The following VSTM4 variants were observed in gnomAD, a reference collection of about 807,000 sequenced individuals.
The protein encoded by VSTM4 is V-set and transmembrane domain-containing protein 4.
A neutral mutation model predicts 36.4 loss-of-function variants in VSTM4; 20 were observed. The ratio of observed to expected loss-of-function variants is 0.55; its 90% confidence interval spans 0.39 to 0.80. VSTM4 has a LOEUF of 0.80. Ranked by LOEUF, VSTM4 falls within the 30% of genes least tolerant of loss-of-function variation. The pLI is 0.00. For synonymous variants in VSTM4, 182 were observed against 173.9 expected (o/e 1.05, Z -0.37); for missense variants, 392 against 404.5 (o/e 0.97, Z 0.26).
intron 7 of VSTM4, among the ~76,000 whole-genome samples, chr10:49,031,804 T>C (rs1843349524): frequency 6.6e-6 from 1 of 152,172 alleles, no homozygotes; most frequent in Non-Finnish European, 1.5e-5. Context: ...TGTGCCTGCC[T>C]CTGACCTCGG....
At chr10:49,103,528 T>C in intron 2 of VSTM4, 2 of 1,300,086 alleles carry the variant, frequency 1.5e-6, no homozygotes, top group East Asian at 3.0e-5. Context: ...ACTTTTGCAA[T>C]AGAAAACAAC....
intron 3 of VSTM4, 90 bp from the exon 4 acceptor site, chr10:49,077,416 G>A: frequency 8.4e-7 from 1 of 1,187,232 alleles, no homozygotes; most frequent in East Asian, 2.5e-5. Context: ...TGGAATATTT[G>A]AAATCCCAGT....
chr10:49,046,000 T>C (rs1162414254), intron 7 of VSTM4, among the ~76,000 whole-genome samples: 1 of 152,176 alleles, frequency 6.6e-6, no homozygotes, highest in Non-Finnish European at 1.5e-5. Flanking sequence ...TCATGAAATC[T>C]GATGGTTTTA....
At chr10:49,065,827 G>A (rs530935908) in intron 4 of VSTM4, among the ~76,000 whole-genome samples, 1 of 152,240 alleles carries the variant, frequency 6.6e-6, no homozygotes, top group East Asian at 1.9e-4. Context: ...AGCTTCCAAA[G>A]TAAGATGAGA....
At chr10:49,080,978 A>C (rs1844268432) in intron 3 of VSTM4, among the ~76,000 whole-genome samples, 1 of 152,240 alleles carries the variant, frequency 6.6e-6, no homozygotes, top group Non-Finnish European at 1.5e-5. Flanking sequence ...GTGAGGGGTC[A>C]GAATTAGGAG....
At chr10:49,029,700 C>T (rs1843315873) in intron 7 of VSTM4, among the ~76,000 whole-genome samples, 1 of 152,204 alleles carries the variant, frequency 6.6e-6, no homozygotes, top group African/African-American at 2.4e-5. Flanking sequence ...TAGTGAAAAG[C>T]CCTTGGCATG....
chr10:49,079,037 G>T (rs1051379803), intron 3 of VSTM4, among the ~76,000 whole-genome samples: 8 of 151,922 alleles, frequency 5.3e-5, no homozygotes, highest in Non-Finnish European at 1.2e-4. Context: ...TCACCATGTT[G>T]GCCAGGTTGG....
At chr10:49,035,651 A>G (rs1222399138) in intron 7 of VSTM4, among the ~76,000 whole-genome samples, 1 of 123,602 alleles carries the variant, frequency 8.1e-6, no homozygotes, top group Non-Finnish European at 1.6e-5. Context: ...CTGGGCACAT[A>G]GCGAGATCCC....
rs1843135194 is a variant in VSTM4 at position 49,018,568 on chromosome 10, G to C, written c.*1082C>G. 1.3e-5 allele frequency: 2 copies of C among 152,200 alleles called. No homozygotes were observed. Among genetic ancestry groups the C allele is most frequent in the Non-Finnish European group, 2.9e-5 (2 of 68,038 alleles). 9.4% of individuals were successfully genotyped at this position (152,200 alleles called of 1,614,324 possible). ...ATCAAGAAATGTCCTCAATAACACA[G>C]TTGACAGGATGGTGCTTTCAGAATG... is the stretch of plus-strand genomic sequence containing the variant. On this transcript the variant is annotated 3_prime_UTR_variant, in exon 8 of 8. Transcript: ENST00000332853.
At chr10:49,025,060 A>C (rs1295759601) in intron 7 of VSTM4, among the ~76,000 whole-genome samples, 1 of 152,006 alleles carries the variant, frequency 6.6e-6, no homozygotes, top group Non-Finnish European at 1.5e-5. Flanking sequence ...GACCACATGA[A>C]GACACAAGGA....
At chr10:49,067,557 T>C (rs1843994988) in intron 4 of VSTM4, among the ~76,000 whole-genome samples, 2 of 152,166 alleles carry the variant, frequency 1.3e-5, no homozygotes, top group African/African-American at 4.8e-5. Flanking sequence ...GTGAAGGAGA[T>C]TGCAACAAAG....
intron 2 of VSTM4, among the ~76,000 whole-genome samples, chr10:49,104,962 CAG>C (rs58170936): frequency 0.098 from 13,387 of 136,910 alleles, 809 homozygotes; most frequent in South Asian, 0.23. Context: ...GGGAGAGAGA[CAG>C]AGAGACACAG....
intron 7 of VSTM4, among the ~76,000 whole-genome samples, chr10:49,032,405 G>C (rs1369626754): frequency 6.6e-6 from 1 of 152,186 alleles, no homozygotes; most frequent in Non-Finnish European, 1.5e-5. Context: ...TTGACAACAG[G>C]CTTGACAGGA....
In VSTM4 at chr10:49,016,943, T is replaced by A. The variant is rs2131922628; in HGVS notation, c.*2707A>T. 1 of 152,482 alleles carries A rather than the reference T, an allele frequency of 6.6e-6. No individual in the cohort carries two copies. Among genetic ancestry groups the A allele is most frequent in the African/African-American group, 2.4e-5 (1 of 41,590 alleles). 9.4% of individuals were successfully genotyped at this position (152,482 alleles called of 1,614,324 possible). On this transcript the variant is annotated 3_prime_UTR_variant, in exon 8 of 8. Transcript: ENST00000332853. ...CCACCAAATCTGAGAGCATCTGCTG[T>A]CTGCCTGAAAGAAGCCACTGCACTC...
In VSTM4 at chr10:49,077,294, C is replaced by A. The variant is rs45489505; in HGVS notation, c.559G>T (p.Val187Leu). ...LYVYAVLVCCVGILSILLFML... is the reference protein window; with the variant it reads ...LYVYAVLVCCLGILSILLFML... ...AAGAGCAGAATGCTGAGGATCCCCA[C>A]GCAGCACACGAGGACAGCATACACA... The change falls in exon 4 of 8, where the codon GTG becomes TTG. Residue 187 changes from valine to leucine, a missense_variant. By Grantham distance (32) the Val-to-Leu change is conservative. Transcript: ENST00000332853. 6.2e-7 allele frequency: 1 copy of A among 1,614,170 alleles called. No homozygotes were observed. The highest frequency in any genetic ancestry group is 8.5e-7 in the Non-Finnish European group (1 of 1,180,024).
intron 7 of VSTM4, among the ~76,000 whole-genome samples, chr10:49,045,998 T>C (rs1046840842): frequency 2.6e-5 from 4 of 152,104 alleles, no homozygotes; most frequent in Admixed American, 6.5e-5. Context: ...TCTCATGAAA[T>C]CTGATGGTTT....
At chr10:49,048,682 T>C (rs1843652671) in intron 5 of VSTM4, 98 bp from the exon 6 acceptor site, 1 of 952,348 alleles carries the variant, frequency 1.1e-6, no homozygotes. Flanking sequence ...AGTTTCTGAG[T>C]GCTCCCTGTG....
chr10:49,023,684 C>G (rs551893453), intron 7 of VSTM4, among the ~76,000 whole-genome samples: 4 of 152,296 alleles, frequency 2.6e-5, no homozygotes, highest in African/African-American at 9.6e-5. Context: ...GAATCACTCC[C>G]AGCATCTCTA....
At chr10:49,104,356 G>A (rs75385535) in intron 2 of VSTM4, among the ~76,000 whole-genome samples, 3 of 152,302 alleles carry the variant, frequency 2.0e-5, no homozygotes, top group South Asian at 2.1e-4. Flanking sequence ...AAATAAGGCC[G>A]TTGGAGAGGA....
Sources: gnomAD v4.1 joint callset for allele counts (sites outside exome capture counted in the v4.1 genomes callset) on GRCh38, gnomAD v4.1.1 for gene constraint, MANE v1.5 for transcripts, NCBI Gene and HGNC (gene_info 2026-07-23, HGNC 2026-07-21) for gene names.